The following TMC5 variants were observed in gnomAD, a reference collection of about 807,000 sequenced individuals.
The protein encoded by TMC5 is transmembrane channel-like protein 5.
TMC5 carries 86 observed loss-of-function variants against 110.5 expected under a neutral mutation model. The observed-to-expected ratio is 0.78, with a 90% CI of 0.65 to 0.93. The LOEUF (loss-of-function observed/expected upper bound fraction) is 0.93, where lower values mean the gene tolerates loss of function less well. Ranked by LOEUF, TMC5 falls within the 40% of genes least tolerant of loss-of-function variation. The probability of loss-of-function intolerance (pLI) is 0.00; values close to 1 mark genes in which losing one functional copy is unlikely to be tolerated. For synonymous variants in TMC5, 455 were observed against 439.5 expected, an observed-to-expected ratio of 1.04 and a Z score of -0.44; for missense variants, 1,144 against 1,222.8, an observed-to-expected ratio of 0.94 and a Z score of 0.96.
chr16:19,477,330 C>A, intron 12 of TMC5, 110 bp from the exon 13 acceptor site: 1 of 809,294 alleles, frequency 1.2e-6, no homozygotes, highest in Non-Finnish European at 2.1e-6. Context: ...CCCCCTCCAA[C>A]CACAGGGGCC....
chr16:19,489,893 A>G (rs1968844282), intron 17 of TMC5, among the ~76,000 whole-genome samples: 1 of 149,572 alleles, frequency 6.7e-6, no homozygotes, highest in African/African-American at 2.5e-5. Context: ...GGCTCAAGTG[A>G]TCCTCCCACC....
At chr16:19,475,991 C>A (rs1484231057) in intron 12 of TMC5, among the ~76,000 whole-genome samples, 1 of 151,966 alleles carries the variant, frequency 6.6e-6, no homozygotes, top group Non-Finnish European at 1.5e-5. Flanking sequence ...TCATAGGTGT[C>A]CAAGAATGAT....
chr16:19,421,294 C>T (rs1162914580), intron 1 of TMC5, among the ~76,000 whole-genome samples: 1 of 152,090 alleles, frequency 6.6e-6, no homozygotes, highest in Non-Finnish European at 1.5e-5. Context: ...CAAATCTCAT[C>T]TTGAATTATA....
At chr16:19,418,727 G>GTTTTTTTTTTTTTTTTTTTTTT (rs57232416) in intron 1 of TMC5, among the ~76,000 whole-genome samples, 1 of 119,116 alleles carries the variant, frequency 8.4e-6, no homozygotes, top group Non-Finnish European at 1.8e-5. Context: ...TGATTTTTGT[G>GTTTTTTTTTTTTTTTTTTTTTT]TTTTTTTTTT....
chr16:19,456,219 A>ATG (rs1430688039), intron 5 of TMC5, among the ~76,000 whole-genome samples: 7 of 147,800 alleles, frequency 4.7e-5, no homozygotes, highest in African/African-American at 1.8e-4. Context: ...AAAAAAAAAT[A>ATG]TATATATACA....
At chr16:19,465,945 C>T (rs1968177095) in intron 8 of TMC5, 137 bp from the exon 9 acceptor site, 1 of 825,608 alleles carries the variant, frequency 1.2e-6, no homozygotes. Flanking sequence ...TCTCAGTGCC[C>T]CTTTCCTGGA....
rs138682339 is a variant in TMC5, at chr16:19,445,714, G to A, written c.958+1464G>A. On this transcript the variant is annotated intron_variant, in intron 4 of 21. Coordinates refer to ENST00000542583, the MANE Select transcript of TMC5 (RefSeq NM_001261841.2). The stretch of plus-strand genomic sequence containing the variant: ...AGAACAAGAGACCCAAGTGCTGGGA[G>A]GTGCAGATGGAGGATTGATGAGCCT... Among the ~76,000 whole-genome samples the A allele has an allele frequency of 1.1e-3, 175 of 152,260 alleles. 1 individual carries two copies. Among genetic ancestry groups the A allele is most frequent in the Admixed American group, 0.01 (156 of 15,290 alleles).
chr16:19,439,216 T>C (rs182862536), intron 2 of TMC5, among the ~76,000 whole-genome samples: 76 of 152,354 alleles, frequency 5.0e-4, no homozygotes, highest in Non-Finnish European at 9.4e-4. Flanking sequence ...AAAAGTATCC[T>C]GTGGTCTGTG....
chr16:19,472,079 T>C lies in TMC5; in HGVS notation c.1783-9T>C. On this transcript the variant is annotated splice_polypyrimidine_tract_variant and intron_variant, in intron 10 of 21. Coordinates refer to ENST00000542583, the MANE Select transcript of TMC5 (RefSeq NM_001261841.2). ...CCCAGCCATAAACTTGACTTTCTTA[T>C]GTTTCTAGGAGAACCTGTCAGAGCT... 6.2e-7 allele frequency: 1 copy of C among 1,613,566 alleles called. No individual in the cohort carries two copies. The highest frequency in any genetic ancestry group is 8.5e-7 in the Non-Finnish European group (1 of 1,179,674).
chr16:19,453,581 T>G (rs1213714768), intron 5 of TMC5, among the ~76,000 whole-genome samples: 1 of 147,976 alleles, frequency 6.8e-6, no homozygotes, highest in Non-Finnish European at 1.5e-5. Flanking sequence ...AGAATGAGAC[T>G]CTGTCTCAAA....
chr16:19,474,216 T>C lies in TMC5; in HGVS notation c.2030T>C (p.Met677Thr), dbSNP rs750420247. Residue 677 changes from methionine (M) to threonine (T), a missense_variant, in exon 12 of 22, where the codon ATG becomes ACG. Coordinates refer to ENST00000542583, the MANE Select transcript of TMC5 (RefSeq NM_001261841.2). ...CTGGCCGTGCCATGCATCTACTCCA[T>C]GTTCAGGCTTGTGGAGAGGTACGAG... ...INLAVPCIYS[M>T]FRLVERYEMP... is the part of the protein sequence containing the mutation. The C allele has an allele frequency of 5.0e-6, 8 of 1,613,998 alleles. No homozygotes were observed. Among genetic ancestry groups the C allele is most frequent in the East Asian group, 4.5e-5 (2 of 44,884 alleles).
chr16:19,419,402 GTTTTTTTT>G (rs55696911), intron 1 of TMC5, among the ~76,000 whole-genome samples: 17 of 65,650 alleles, frequency 2.6e-4, no homozygotes, highest in East Asian at 2.0e-3. Flanking sequence ...GAATGTGTTG[GTTTTTTTT>G]TTTTTTTTTT....
chr16:19,495,011 C>T (rs147886276), intron 20 of TMC5, among the ~76,000 whole-genome samples: 2,134 of 40,400 alleles, frequency 0.053, 417 homozygotes, highest in Non-Finnish European at 0.076. Flanking sequence ...AGTGTCTATT[C>T]TTTTTTTTTT....
chr16:19,425,686 A>T (rs1967075624), intron 1 of TMC5, among the ~76,000 whole-genome samples: 1 of 151,892 alleles, frequency 6.6e-6, no homozygotes, highest in Admixed American at 6.6e-5. Flanking sequence ...TCCTCAAGCA[A>T]TTTATTTTTT....
chr16:19,443,886 T>A (rs530866882), intron 3 of TMC5, among the ~76,000 whole-genome samples, 195 bp from the exon 4 acceptor site: 1 of 151,894 alleles, frequency 6.6e-6, no homozygotes, highest in Admixed American at 6.6e-5. Context: ...AATGGATGGA[T>A]GGATGGATAA....
At chr16:19,421,512 C>T (rs1966982392) in intron 1 of TMC5, among the ~76,000 whole-genome samples, 1 of 152,158 alleles carries the variant, frequency 6.6e-6, no homozygotes, top group South Asian at 2.1e-4. Flanking sequence ...TGAGACCTCC[C>T]CAGCCATGTG....
rs1378999586 is a variant in TMC5 at position 19,499,059 on chromosome 16, A to C, written c.*1093A>C. ...CTGGGCAACAGTGAGACTCTGCCTC[A>C]AAAAAATAAATAAATAAATAAATAA... On this transcript the variant is annotated 3_prime_UTR_variant, in exon 22 of 22. Transcript: ENST00000542583. 1 of 90,886 alleles carries C rather than the reference A, an allele frequency of 1.1e-5. No homozygotes were observed. Among genetic ancestry groups the C allele is most frequent in the Non-Finnish European group, 2.9e-5 (1 of 34,726 alleles). 5.6% of individuals were successfully genotyped at this position (90,886 alleles called of 1,614,324 possible). A position where few individuals can be genotyped will look rare whatever the true frequency, so the allele number is the denominator to read the frequency against.
intron 10 of TMC5, 118 bp downstream of exon 10, chr16:19,469,943 G>A: frequency 2.6e-6 from 3 of 1,144,214 alleles, no homozygotes; most frequent in Non-Finnish European, 2.4e-6. Flanking sequence ...CGCCCAGGCT[G>A]GAGTGCAGTG....
chr16:19,497,770 G>A (rs1254452724), intron 21 of TMC5, 150 bp from the exon 22 acceptor site: 10 of 662,776 alleles, frequency 1.5e-5, no homozygotes, highest in Non-Finnish European at 2.4e-5. Flanking sequence ...TTCCAGTGAT[G>A]GGAGTTCAAG....
Sources: allele counts gnomAD v4.1 joint callset (sites outside exome capture counted in the v4.1 genomes callset), GRCh38; gene constraint gnomAD v4.1.1; transcripts MANE v1.5; gene names NCBI Gene and HGNC (gene_info 2026-07-23, HGNC 2026-07-21).